The following AQR variants were observed in gnomAD, a reference collection of about 807,000 sequenced individuals.
AQR encodes the protein RNA helicase aquarius.
Under a neutral mutation model 180.5 loss-of-function variants are expected in AQR, and 61 were observed. The observed-to-expected ratio is 0.34, with a 90% CI of 0.28 to 0.42. The LOEUF (loss-of-function observed/expected upper bound fraction) is 0.42, where lower values mean the gene tolerates loss of function less well. Ranked by LOEUF, AQR falls within the 10% of genes least tolerant of loss-of-function variation. AQR has a pLI of 1.00. For missense variants in AQR, 1,281 were observed against 1,798.3 expected (o/e 0.71, Z 5.20); for synonymous variants, 551 against 588.8 (o/e 0.94, Z 0.93).
chr15:34,903,639 A>G (rs954528078), intron 19 of AQR, among the ~76,000 whole-genome samples: 2 of 152,286 alleles, frequency 1.3e-5, no homozygotes, highest in South Asian at 2.1e-4. Flanking sequence ...ACAGGGTTAC[A>G]TAAAAGTAAT....
Position 34,917,225 on chromosome 15 carries a change from G to T in AQR, c.1342+1033C>A, listed in dbSNP as rs900247523. 3.9e-5 allele frequency among the ~76,000 whole-genome samples: 6 copies of T among 152,130 alleles called. No homozygotes were observed. In the South Asian group the frequency reaches 1.2e-3, roughly 32 times the overall value. On this transcript the variant is annotated intron_variant, in intron 15 of 34. Coordinates refer to ENST00000156471, the MANE Select transcript of AQR (RefSeq NM_014691.3). ...ACAATATTAGTGCACTGGGTCTATC[G>T]GAGTTATGGCTCTAGGATATGTCTT...
rs1893269886 is a variant in AQR, at chr15:34,897,696, A to G, written c.2253T>C (p.Phe751=). ...ALQIPPFRIT[F]PVRSGKGKKR... ...TCTTCCCTTTTCCACTTCTTACTGG[A>G]AAAGTTATCCTACAAGACCAAAACT... Residue 751 remains phenylalanine, a synonymous_variant, in exon 21 of 35, where the codon TTT becomes TTC. Coordinates refer to ENST00000156471, the MANE Select transcript of AQR (RefSeq NM_014691.3). 6.2e-7 allele frequency: 1 copy of G among 1,613,752 alleles called. No homozygotes were observed. Among genetic ancestry groups the G allele is most frequent in the Non-Finnish European group, 8.5e-7 (1 of 1,179,848 alleles).
chr15:34,857,775 A>C (rs962400086), intron 34 of AQR, among the ~76,000 whole-genome samples: 1 of 152,112 alleles, frequency 6.6e-6, no homozygotes, highest in Non-Finnish European at 1.5e-5. Flanking sequence ...GAAAAGAAAA[A>C]GAGCCCTGTG....
intron 19 of AQR, 151 bp from the exon 20 acceptor site, chr15:34,901,014 G>C: frequency 3.0e-6 from 3 of 986,436 alleles, no homozygotes; most frequent in Non-Finnish European, 2.9e-6. Flanking sequence ...TGCTTGGCTA[G>C]ACTGAATCAA....
intron 16 of AQR, among the ~76,000 whole-genome samples, chr15:34,914,012 TCATAATCACAGTGTCTGTGGTAGCTCTC>T (rs1157504155): frequency 6.6e-6 from 1 of 152,204 alleles, no homozygotes; most frequent in Non-Finnish European, 1.5e-5. Context: ...AAAAAATAGA[TCATAATCACAGTGTCTGTGGTAGCTCTC>T]CATAATTAGT....
intron 15 of AQR, among the ~76,000 whole-genome samples, chr15:34,916,882 CAAAA>C (rs71119988): frequency 1.3e-3 from 105 of 79,226 alleles, no homozygotes; most frequent in African/African-American, 2.8e-3. Context: ...TTCAGCAGAA[CAAAA>C]AAAAAAAAAA....
intron 24 of AQR, among the ~76,000 whole-genome samples, chr15:34,888,170 C>A (rs187377539): frequency 6.6e-6 from 1 of 151,230 alleles, no homozygotes; most frequent in East Asian, 2.0e-4. Context: ...TGGTGGTGGG[C>A]GCCTGTAATC....
intron 31 of AQR, chr15:34,868,148 C>G (rs551676829): frequency 6.6e-6 from 1 of 152,470 alleles, no homozygotes; most frequent in Non-Finnish European, 1.5e-5. Flanking sequence ...CTGGGCAATG[C>G]GGTGAAATCC....
intron 12 of AQR, among the ~76,000 whole-genome samples, chr15:34,928,805 A>G (rs554202252): frequency 1.3e-5 from 2 of 152,310 alleles, no homozygotes; most frequent in East Asian, 3.9e-4. Context: ...ACTCCCACCA[A>G]CAATGTAAAA....
At chr15:34,907,632 G>A (rs1005245280) in intron 17 of AQR, among the ~76,000 whole-genome samples, 2 of 152,140 alleles carry the variant, frequency 1.3e-5, no homozygotes, top group African/African-American at 2.4e-5. Flanking sequence ...TATGGGTAAA[G>A]GTAGAAATAA....
At chr15:34,925,229 G>T (rs1893742669) in intron 13 of AQR, among the ~76,000 whole-genome samples, 1 of 152,012 alleles carries the variant, frequency 6.6e-6, no homozygotes, top group East Asian at 1.9e-4. Flanking sequence ...GGTTACAGAA[G>T]AAATGTAAAT....
chr15:34,958,124 C>T (rs926309537), intron 3 of AQR, among the ~76,000 whole-genome samples: 10 of 152,246 alleles, frequency 6.6e-5, no homozygotes, highest in Non-Finnish European at 1.0e-4. Flanking sequence ...AGGGGAATGG[C>T]GTGGACCCGG....
chr15:34,896,935 C>T lies in AQR; in HGVS notation c.2422G>A (p.Glu808Lys), dbSNP rs1035934752. Residue 808 changes from glutamate (E) to lysine (K), a missense_variant, in exon 22 of 35, where the codon GAA becomes AAA. Glu to Lys is a moderately conservative substitution (Grantham distance 56). Around this residue, in one of 9 missense-constraint regions of AQR, gnomAD observed 112 missense variants for 128.6 expected, o/e 0.87. Transcript: ENST00000156471. ...NTIQFTHTQI[E>K]AIRAGMQPGL... The stretch of plus-strand genomic sequence containing the variant: ...GGCTGCATTCCAGCACGGATGGCTT[C>T]TATCTGTGTATGAGTGAACTGAATC... 6.2e-7 allele frequency: 1 copy of T among 1,613,514 alleles called. No homozygotes were observed. Among genetic ancestry groups the T allele is most frequent in the East Asian group, 2.2e-5 (1 of 44,880 alleles).
intron 5 of AQR, among the ~76,000 whole-genome samples, chr15:34,945,885 C>T (rs1355763281): frequency 1.3e-5 from 2 of 152,078 alleles, no homozygotes; most frequent in African/African-American, 4.8e-5. Context: ...GATTTTGGAT[C>T]CCTACTGATC....
chr15:34,923,455 C>A (rs1255057913), intron 13 of AQR, among the ~76,000 whole-genome samples: 2 of 152,030 alleles, frequency 1.3e-5, no homozygotes, highest in Non-Finnish European at 2.9e-5. Context: ...TTGATCAAGT[C>A]CAATTCATCA....
intron 24 of AQR, among the ~76,000 whole-genome samples, chr15:34,889,343 A>G (rs576840793): frequency 3.3e-4 from 50 of 152,396 alleles, no homozygotes; most frequent in Middle Eastern, 3.4e-3. Context: ...ATAGATGCAC[A>G]TAATAATTTA....
At chr15:34,888,184 G>A (rs1290394060) in intron 24 of AQR, among the ~76,000 whole-genome samples, 1 of 151,678 alleles carries the variant, frequency 6.6e-6, no homozygotes, top group African/African-American at 2.4e-5. Flanking sequence ...TGTAATCCCA[G>A]CTACTCAGGA....
chr15:34,877,547 A>T (rs1394917654), intron 27 of AQR, among the ~76,000 whole-genome samples: 1 of 152,182 alleles, frequency 6.6e-6, no homozygotes, highest in Non-Finnish European at 1.5e-5. Flanking sequence ...TTTTCTAAGA[A>T]GTCCCTGTGT....
chr15:34,927,265 T>C, intron 12 of AQR, 127 bp from the exon 13 acceptor site: 1 of 451,750 alleles, frequency 2.2e-6, no homozygotes, highest in Non-Finnish European at 3.7e-6. Context: ...GCTTCTTTTA[T>C]GTGACCTCTA....
Sources: allele counts gnomAD v4.1 joint callset (sites outside exome capture counted in the v4.1 genomes callset), GRCh38; gene constraint gnomAD v4.1.1; regional missense constraint gnomAD v4.1.1; transcripts MANE v1.5; gene names NCBI Gene and HGNC (gene_info 2026-07-23, HGNC 2026-07-21).